Variants in NBEAL1 observed in about 807,000 individuals in gnomAD.
NBEAL1 encodes neurobeachin like 1, also known as neurobeachin-like protein 1.
A neutral mutation model predicts 351.3 loss-of-function variants in NBEAL1; 273 were observed. That is an observed-to-expected ratio of 0.78 (90% CI 0.70 to 0.86). The LOEUF (loss-of-function observed/expected upper bound fraction) is 0.86. NBEAL1 is among the 40% of genes least tolerant of loss of function. The pLI is 0.00. For missense variants in NBEAL1, 2,961 were observed against 3,201.3 expected (o/e 0.92, Z 1.81); for synonymous variants, 1,050 against 1,086.4 (o/e 0.97, Z 0.66).
intron 16 of NBEAL1, among the ~76,000 whole-genome samples, chr2:203,112,507 A>G (rs2106245785): frequency 6.6e-6 from 1 of 152,304 alleles, no homozygotes; most frequent in South Asian, 2.1e-4. Flanking sequence ...TTAGTTAGGT[A>G]TAAAATAGAG....
At chr2:203,059,115 A>G (rs2061454864) in intron 6 of NBEAL1, among the ~76,000 whole-genome samples, 1 of 152,212 alleles carries the variant, frequency 6.6e-6, no homozygotes, top group African/African-American at 2.4e-5. Context: ...TTCCCATGGT[A>G]GTATAGCCAC....
intron 45 of NBEAL1, 83 bp from the exon 46 acceptor site, chr2:203,190,209 C>CACACACACACACA (rs2065031109): frequency 4.8e-6 from 3 of 619,746 alleles, no homozygotes; most frequent in African/African-American, 4.2e-5. Flanking sequence ...CACACACACA[C>CACACACACACACA]CAATGAGCCT....
At chr2:203,181,753 TG>T (rs1423001781) in intron 43 of NBEAL1, 1 of 152,186 alleles carries the variant, frequency 6.6e-6, no homozygotes, top group African/African-American at 2.4e-5. Flanking sequence ...AACAAGCTGT[TG>T]GAGGCAGGGC....
At chr2:203,140,164 G>A (rs751983813) in intron 31 of NBEAL1, among the ~76,000 whole-genome samples, 16 of 151,968 alleles carry the variant, frequency 1.1e-4, no homozygotes, top group African/African-American at 3.4e-4. Flanking sequence ...TTAGCCGGGC[G>A]TGCTGGCGCA....
Position 203,144,812 on chromosome 2 carries a change from T to C in NBEAL1, c.5061T>C (p.Pro1687=). The change falls in exon 32 of 56, where the codon CCT becomes CCC. Residue 1687 remains proline (P), a synonymous_variant. Coordinates refer to ENST00000683969, the MANE Select transcript of NBEAL1 (RefSeq NM_001378026.1). ...TTCTCTTCATGAACTTGCACCTACC[T>C]TCTTTACCTTTTACCAATGGTAGCT... ...YELLFMNLHL[P]SLPFTNGSSS... 1 of 1,614,032 alleles carries C rather than the reference T, an allele frequency of 6.2e-7. No individual in the cohort carries two copies. Among genetic ancestry groups the C allele is most frequent in the Non-Finnish European group, 8.5e-7 (1 of 1,179,876 alleles).
chr2:203,174,775 C>CA (rs1204538616), intron 41 of NBEAL1, among the ~76,000 whole-genome samples: 1 of 151,652 alleles, frequency 6.6e-6, no homozygotes, highest in Non-Finnish European at 1.5e-5. Context: ...CCTGTAGTCC[C>CA]AGCTACTTGG....
At chr2:203,120,042 A>G (rs1379821300) in intron 18 of NBEAL1, among the ~76,000 whole-genome samples, 1 of 152,200 alleles carries the variant, frequency 6.6e-6, no homozygotes, top group Non-Finnish European at 1.5e-5. Flanking sequence ...ATAAATAAAT[A>G]AAAGTCTCTG....
At chr2:203,034,601 G>A (rs2061012043) in intron 2 of NBEAL1, among the ~76,000 whole-genome samples, 1 of 147,788 alleles carries the variant, frequency 6.8e-6, no homozygotes, top group Admixed American at 6.8e-5. Context: ...TGGGATTACA[G>A]GCATGCACCA....
intron 51 of NBEAL1, among the ~76,000 whole-genome samples, chr2:203,205,761 T>A (rs1011201489): frequency 1.3e-5 from 2 of 152,024 alleles, no homozygotes; most frequent in African/African-American, 4.8e-5. Context: ...CTTTACCAAA[T>A]AAATTTAGGA....
At chr2:203,202,086 T>G (rs1176696901) in intron 50 of NBEAL1, among the ~76,000 whole-genome samples, 3 of 152,196 alleles carry the variant, frequency 2.0e-5, no homozygotes, top group African/African-American at 7.2e-5. Context: ...ATGAAATTGT[T>G]GAATGTAGTT....
At chr2:203,110,750 A>T (rs2062551455) in intron 15 of NBEAL1, among the ~76,000 whole-genome samples, 1 of 140,784 alleles carries the variant, frequency 7.1e-6, no homozygotes, top group African/African-American at 2.5e-5. Flanking sequence ...GTTTTCTATA[A>T]GTAAATTTTC....
At chr2:203,183,576 G>C in intron 44 of NBEAL1, among the ~76,000 whole-genome samples, 188 bp downstream of exon 44, 1 of 151,880 alleles carries the variant, frequency 6.6e-6, no homozygotes, top group Non-Finnish European at 1.5e-5. Flanking sequence ...TGAGACTATA[G>C]TATAGTACCA....
chr2:203,060,704 G>T (rs1402285570), intron 6 of NBEAL1, among the ~76,000 whole-genome samples: 1 of 152,204 alleles, frequency 6.6e-6, no homozygotes, highest in Non-Finnish European at 1.5e-5. Context: ...CTTTAACAAT[G>T]AACCGCTGAT....
At chr2:203,031,075 A>G (rs1234533640) in intron 2 of NBEAL1, among the ~76,000 whole-genome samples, 1 of 152,248 alleles carries the variant, frequency 6.6e-6, no homozygotes, top group Admixed American at 6.5e-5. Flanking sequence ...AAATGCTGGC[A>G]GTTAAACTGC....
At chr2:203,101,683 T>A (rs980684252) in intron 12 of NBEAL1, among the ~76,000 whole-genome samples, 1 of 152,038 alleles carries the variant, frequency 6.6e-6, no homozygotes, top group Non-Finnish European at 1.5e-5. Context: ...GCAACCTCCA[T>A]CTTCCAGGTC....
intron 10 of NBEAL1, among the ~76,000 whole-genome samples, chr2:203,089,084 C>G (rs934188453): frequency 6.6e-6 from 1 of 152,112 alleles, no homozygotes; most frequent in Non-Finnish European, 1.5e-5. Flanking sequence ...TTAGGCCAGA[C>G]GCGGTGGCTC....
intron 41 of NBEAL1, 32 bp from the exon 42 acceptor site, chr2:203,175,115 G>T: frequency 6.4e-7 from 1 of 1,570,106 alleles, no homozygotes; most frequent in South Asian, 1.1e-5. Flanking sequence ...TTATTATTGT[G>T]GTTTTAAAAC....
At chr2:203,020,132 C>G (rs1470113288) in intron 2 of NBEAL1, among the ~76,000 whole-genome samples, 1 of 152,076 alleles carries the variant, frequency 6.6e-6, no homozygotes, top group Non-Finnish European at 1.5e-5. Flanking sequence ...TATCTGTCAC[C>G]TCACATACTT....
In NBEAL1 at chr2:203,112,788, T is replaced by C. The variant is rs377353078; in HGVS notation, c.2203-227T>C. Among the ~76,000 whole-genome samples the C allele has an allele frequency of 4.6e-5, 7 of 152,338 alleles. No homozygotes were observed. In the East Asian group the frequency reaches 9.6e-4, roughly 21 times the overall value. ...ATTACCAAAGAATATAAAATAGTCA[T>C]AGAAGTAATGCATCCAAATGCTATA... is the stretch of plus-strand genomic sequence containing the variant. On this transcript the variant is annotated intron_variant, in intron 16 of 55. Coordinates refer to ENST00000683969, the MANE Select transcript of NBEAL1 (RefSeq NM_001378026.1).
Sources: gnomAD v4.1 joint callset for allele counts (sites outside exome capture counted in the v4.1 genomes callset) on GRCh38, gnomAD v4.1.1 for gene constraint, MANE v1.5 for transcripts, NCBI Gene and HGNC (gene_info 2026-07-23, HGNC 2026-07-21) for gene names.